The following TMEM130 variants were observed in gnomAD, a reference collection of about 807,000 sequenced individuals.
TMEM130 encodes transmembrane protein 130.
TMEM130 carries 37 observed loss-of-function variants against 42.9 expected under a neutral mutation model. The ratio of observed to expected loss-of-function variants is 0.86; its 90% CI spans 0.66 to 1.13. The LOEUF (loss-of-function observed/expected upper bound fraction) is 1.13. Among genes scored for constraint, TMEM130 ranks in the 50% most tolerant of loss-of-function variants. The probability of loss-of-function intolerance (pLI) is 0.00; values close to 1 mark genes in which losing one functional copy is unlikely to be tolerated. For synonymous variants in TMEM130, 259 were observed against 237.7 expected (o/e 1.09, Z -0.82); for missense variants, 545 against 562.6 (o/e 0.97, Z 0.32).
intron 2 of TMEM130, among the ~76,000 whole-genome samples, chr7:98,861,550 A>T (rs781850832): frequency 3.3e-5 from 5 of 151,974 alleles, no homozygotes; most frequent in Non-Finnish European, 5.9e-5. Context: ...CCCTGTCTCT[A>T]CTAAAAATAC....
chr7:98,866,783 T>TC (rs1258369824), intron 1 of TMEM130: 1 of 152,186 alleles, frequency 6.6e-6, no homozygotes, highest in Non-Finnish European at 1.5e-5. Flanking sequence ...TCCTTTTTTT[T>TC]CAGAGCCATT....
chr7:98,860,673 G>A (rs1278659774), intron 2 of TMEM130, among the ~76,000 whole-genome samples: 4 of 152,096 alleles, frequency 2.6e-5, no homozygotes, highest in Non-Finnish European at 5.9e-5. Context: ...GGCTGGGTGC[G>A]GTGGCTCACA....
chr7:98,862,525 G>A (rs1310012135), intron 2 of TMEM130, among the ~76,000 whole-genome samples: 1 of 90,152 alleles, frequency 1.1e-5, no homozygotes, highest in African/African-American at 4.1e-5. Context: ...TTGAGATGCA[G>A]TCTCACCCTG....
chr7:98,857,565 T>C (rs953797857), intron 3 of TMEM130, among the ~76,000 whole-genome samples: 1 of 151,956 alleles, frequency 6.6e-6, no homozygotes, highest in Non-Finnish European at 1.5e-5. Context: ...CCAGTCGTAA[T>C]GTTACAGGCC....
Position 98,869,833 on chromosome 7 carries a change from C to G in TMEM130, c.29G>C (p.Gly10Ala). 6.9e-7 allele frequency: 1 copy of G among 1,446,448 alleles called. No individual in the cohort carries two copies. The highest frequency in any genetic ancestry group is 9.1e-7 in the Non-Finnish European group (1 of 1,101,068). The allele number at this position is 1,446,448 out of a possible 1,614,324, so 89.6% of individuals were successfully genotyped here. Reference protein sequence around the residue: MAQAVWSRLGRILWLACLLP... With the variant: MAQAVWSRLARILWLACLLP... ...GAGGCAGGCAAGCCAGAGGATGCGG[C>G]CGAGGCGCGACCACACTGCCTGGGC... is the stretch of plus-strand genomic sequence containing the variant. The change falls in exon 1 of 8, where the codon GGC becomes GCC. Residue 10 changes from glycine (G) to alanine (A), a missense_variant. Gly to Ala is a moderately conservative substitution (Grantham distance 60). Coordinates refer to ENST00000339375, the MANE Select transcript of TMEM130 (RefSeq NM_152913.3). The surrounding 1 kb of genome is among the most constrained non-coding windows in gnomAD (Gnocchi z 4.7).
In TMEM130 at chr7:98,848,667, TG is replaced by T. The variant is rs782344851; in HGVS notation, c.1034del (p.Pro345HisfsTer8). On this transcript the variant is annotated frameshift_variant, in exon 7 of 8. Coordinates refer to ENST00000339375, the MANE Select transcript of TMEM130 (RefSeq NM_152913.3). LOFTEE classifies it high-confidence loss of function. ...ACATCACAGTGATAAGTGTAGCACA[TG>T]GGAAAGCAAAGACAGCCGGCTGGAT... ...SRIQPAVFAF[P>X]CATLITVMLA... 1.2e-6 allele frequency: 2 copies of T among 1,613,868 alleles called. No individual in the cohort carries two copies. The highest frequency in any genetic ancestry group is 2.2e-5 in the South Asian group (2 of 91,074).
At chr7:98,848,945 G>A (rs1794428501) in intron 6 of TMEM130, among the ~76,000 whole-genome samples, 1 of 152,150 alleles carries the variant, frequency 6.6e-6, no homozygotes, top group Admixed American at 6.6e-5. Flanking sequence ...TCCAAGAGGG[G>A]CAGCTAAATT....
rs1554401038 is a variant in TMEM130, at chr7:98,869,332, A to C, written c.85+445T>G. The C allele has an allele frequency of 4.8e-6, 6 of 1,252,434 alleles. No homozygotes were observed. The highest frequency in any genetic ancestry group is 6.2e-6 in the Non-Finnish European group (6 of 973,860). The allele number at this position is 1,252,434 out of a possible 1,614,324, so 77.6% of individuals were successfully genotyped here. On this transcript the variant is annotated intron_variant, in intron 1 of 7. Coordinates refer to ENST00000339375, the MANE Select transcript of TMEM130 (RefSeq NM_152913.3). The surrounding 1 kb of genome is among the most constrained non-coding windows in gnomAD (Gnocchi z 4.7). Reference sequence around the variant, plus strand: ...CACCAACACGGTGGGAAACCCCTCTAGATGAGGCGACATTTTAAGGCAAAA... The same window carrying C: ...CACCAACACGGTGGGAAACCCCTCTCGATGAGGCGACATTTTAAGGCAAAA...
rs1253934707 is a variant in TMEM130 at position 98,847,470 on chromosome 7, C to T, written c.*586G>A. The T allele has an allele frequency of 1.3e-5, 2 of 151,278 alleles. No individual in the cohort carries two copies. Among genetic ancestry groups the T allele is most frequent in the Non-Finnish European group, 2.9e-5 (2 of 68,038 alleles). 9.4% of individuals were successfully genotyped at this position (151,278 alleles called of 1,614,324 possible). On this transcript the variant is annotated 3_prime_UTR_variant, in exon 8 of 8. Transcript: ENST00000339375. ...CTTAACCAGATACAGAGCTGATCAT[C>T]TGAAATGCCCATGTGACGCATGTGT...
intron 6 of TMEM130, 27 bp downstream of exon 6, chr7:98,851,394 T>C: frequency 1.9e-6 from 3 of 1,611,692 alleles, no homozygotes; most frequent in Non-Finnish European, 2.5e-6. Context: ...CATGTGGCAC[T>C]GGAGCAGAAG....
Position 98,855,236 on chromosome 7 carries a change from T to C in TMEM130, c.803+4A>G. 1.2e-6 allele frequency: 2 copies of C among 1,612,806 alleles called. No individual in the cohort carries two copies. Among genetic ancestry groups the C allele is most frequent in the South Asian group, 2.2e-5 (2 of 90,836 alleles). On this transcript the variant is annotated splice_donor_region_variant and intron_variant, in intron 5 of 7. Transcript: ENST00000339375. ...ACCCCCAGTGCGCTCTGGAGCTCAC[T>C]TACCTCCCCAGGAAGTTCAAGGTCA...
In TMEM130 at chr7:98,848,040, T is replaced by C. The variant is rs202061563; in HGVS notation, c.*16A>G. On this transcript the variant is annotated 3_prime_UTR_variant, in exon 8 of 8. Coordinates refer to ENST00000339375, the MANE Select transcript of TMEM130 (RefSeq NM_152913.3). ...GCAGTCAGTTAACACTGAGATGGGG[T>C]GGGGAGGGGGAGTGCTCACACGGTG... 9.1e-4 allele frequency: 1,457 copies of C among 1,604,498 alleles called. 2 individuals carry two copies. Among genetic ancestry groups the C allele is most frequent in the South Asian group, 1.3e-3 (119 of 89,996 alleles).
At chr7:98,848,745 T>A in intron 6 of TMEM130, 50 bp from the exon 7 acceptor site, 1 of 1,273,674 alleles carries the variant, frequency 7.9e-7, no homozygotes, top group African/African-American at 1.5e-5. Context: ...GGTACTACAG[T>A]GCTGGTTCTC....
At chr7:98,861,210 C>A (rs2116113881) in intron 2 of TMEM130, among the ~76,000 whole-genome samples, 1 of 151,912 alleles carries the variant, frequency 6.6e-6, no homozygotes, top group African/African-American at 2.4e-5. Flanking sequence ...TGGTAGCGGG[C>A]ACCTGTAGTC....
rs903336832 is a variant in TMEM130 at position 98,864,661 on chromosome 7, G to A, written c.86-1261C>T. ...TGCCTGTAACCCCAGCACTTTGGGA[G>A]GCCGAGGTAAGCGGATTACTTGAAG... On this transcript the variant is annotated intron_variant, in intron 1 of 7. Coordinates refer to ENST00000339375, the MANE Select transcript of TMEM130 (RefSeq NM_152913.3). Among the ~76,000 whole-genome samples the A allele has an allele frequency of 5.9e-5, 9 of 152,086 alleles. No individual in the cohort carries two copies. The East Asian group carries it at 1.8e-3, about 30-fold the overall frequency.
In TMEM130 at chr7:98,869,151, G is replaced by T. The variant is rs994635779; in HGVS notation, c.85+626C>A. 2 of 1,257,856 alleles carry T rather than the reference G, an allele frequency of 1.6e-6. No homozygotes were observed. The highest frequency in any genetic ancestry group is 2.6e-5 in the South Asian group (2 of 77,148). The allele number at this position is 1,257,856 out of a possible 1,614,324, so 77.9% of individuals were successfully genotyped here. ...GCTGGCTTTCTGGCGGTGGGGAAGT[G>T]GGGGCAGTAGACACACAACCCTGCT... On this transcript the variant is annotated intron_variant, in intron 1 of 7. Transcript: ENST00000339375. The surrounding 1 kb of genome is among the most constrained non-coding windows in gnomAD (Gnocchi z 4.7).
chr7:98,852,608 T>A (rs889332766), intron 5 of TMEM130, among the ~76,000 whole-genome samples: 1 of 149,994 alleles, frequency 6.7e-6, no homozygotes, highest in African/African-American at 2.5e-5. Context: ...TTTTGTGGGG[T>A]TTTTTTGACA....
At chr7:98,860,940 C>T (rs1794758786) in intron 2 of TMEM130, among the ~76,000 whole-genome samples, 1 of 40,038 alleles carries the variant, frequency 2.5e-5, no homozygotes, top group Non-Finnish European at 5.5e-5. Context: ...AAGACTCTGT[C>T]TCAAAAAAAA....
At chr7:98,852,777 G>T (rs1429633360) in intron 5 of TMEM130, among the ~76,000 whole-genome samples, 1 of 151,654 alleles carries the variant, frequency 6.6e-6, no homozygotes, top group Non-Finnish European at 1.5e-5. Context: ...GTATTTTTTG[G>T]TAGAGACCAG....
Sources: allele counts gnomAD v4.1 joint callset (sites outside exome capture counted in the v4.1 genomes callset), GRCh38; gene constraint gnomAD v4.1.1; non-coding constraint Gnocchi (gnomAD v3.1); transcripts MANE v1.5; gene names NCBI Gene and HGNC (gene_info 2026-07-23, HGNC 2026-07-21).